Variants in SNRK observed in about 807,000 individuals in gnomAD.
SNRK encodes the protein SNF related kinase.
In SNRK, 3 loss-of-function variants were observed where a neutral mutation model predicts 48.2. The observed-to-expected ratio is 0.06, with a 90% CI of 0.03 to 0.16. The LOEUF (loss-of-function observed/expected upper bound fraction) is 0.16, where lower values mean the gene tolerates loss of function less well. Ranked by LOEUF, SNRK falls within the 10% of genes least tolerant of loss-of-function variation. The probability of loss-of-function intolerance (pLI) is 1.00; values close to 1 mark genes in which losing one functional copy is unlikely to be tolerated. For synonymous variants in SNRK, 376 were observed against 366.1 expected (o/e 1.03, Z -0.31); for missense variants, 627 against 976.0 (o/e 0.64, Z 4.76).
intron 1 of SNRK, among the ~76,000 whole-genome samples, chr3:43,296,985 A>G (rs1037684533): frequency 3.9e-5 from 6 of 152,200 alleles, no homozygotes; most frequent in Non-Finnish European, 7.3e-5. Context: ...AAGTTTTTAT[A>G]TTATGAGCAC....
intron 2 of SNRK, among the ~76,000 whole-genome samples, chr3:43,301,478 C>G (rs2090897274): frequency 6.6e-6 from 1 of 152,088 alleles, no homozygotes; most frequent in Admixed American, 6.6e-5. Flanking sequence ...GAGACCAGTG[C>G]TGACTGGCCA....
At chr3:43,312,751 A>G (rs1254325443) in intron 3 of SNRK, among the ~76,000 whole-genome samples, 1 of 152,252 alleles carries the variant, frequency 6.6e-6, no homozygotes, top group Non-Finnish European at 1.5e-5. Flanking sequence ...ATTCTGCAAT[A>G]TCACAGAATA....
intron 1 of SNRK, among the ~76,000 whole-genome samples, chr3:43,291,955 A>G (rs1049094520): frequency 4.6e-5 from 7 of 152,198 alleles, no homozygotes; most frequent in African/African-American, 1.7e-4. Flanking sequence ...CTGCTTTTTC[A>G]TTTGTAAAAT....
chr3:43,309,213 A>C (rs1364602112), intron 3 of SNRK, among the ~76,000 whole-genome samples: 1 of 152,086 alleles, frequency 6.6e-6, no homozygotes, highest in Non-Finnish European at 1.5e-5. Context: ...CAGGTGAAGA[A>C]AGTGGTTTCT....
intron 1 of SNRK, among the ~76,000 whole-genome samples, chr3:43,296,479 G>C (rs17406162): frequency 0.019 from 2,697 of 140,746 alleles, 47 homozygotes; most frequent in Non-Finnish European, 0.029. Context: ...GAGGAATATT[G>C]GTCGTCTGAT....
chr3:43,348,476 C>A lies in SNRK; in HGVS notation c.2217C>A (p.Thr739=). The A allele has an allele frequency of 6.2e-7, 1 of 1,604,894 alleles. No homozygotes were observed. Among genetic ancestry groups the A allele is most frequent in the South Asian group, 1.1e-5 (1 of 89,418 alleles). The change falls in exon 7 of 7, where the codon ACC becomes ACA. Residue 739 remains threonine, a synonymous_variant. Transcript: ENST00000296088. ...NVLQLPLCEK[T]ISVNIQRNPK... ...TGCAGCTACCTCTGTGCGAAAAGAC[C>A]ATCTCTGTGAACATCCAGCGGAACC...
rs535457687 is a variant in SNRK at position 43,337,282 on chromosome 3, C to T, written c.732-3005C>T. On this transcript the variant is annotated intron_variant, in intron 4 of 6. Transcript: ENST00000296088. ...TAGTGATGGGGTTTCGCATTTTGCC[C>T]AGGCTGGTCTCGAACTCCTTAGCTC... Among the ~76,000 whole-genome samples, 20 of 151,120 alleles carry T rather than the reference C, an allele frequency of 1.3e-4. No individual in the cohort carries two copies. The South Asian group carries it at 4.0e-3, about 30-fold the overall frequency.
intron 1 of SNRK, among the ~76,000 whole-genome samples, chr3:43,292,487 T>C (rs1207455929): frequency 6.6e-6 from 1 of 152,208 alleles, no homozygotes; most frequent in Non-Finnish European, 1.5e-5. Context: ...GTATGGCAAA[T>C]TTTCCATTTG....
intron 4 of SNRK, among the ~76,000 whole-genome samples, chr3:43,336,290 C>G (rs1324825644): frequency 5.1e-5 from 1 of 19,732 alleles, no homozygotes; most frequent in African/African-American, 5.7e-5. Context: ...CTCCCTTGCT[C>G]TCTCCCTCCC....
intron 5 of SNRK, among the ~76,000 whole-genome samples, chr3:43,341,014 G>A (rs993891496): frequency 2.0e-5 from 3 of 151,838 alleles, no homozygotes; most frequent in African/African-American, 7.3e-5. Context: ...AGTGGTTGTG[G>A]GAGAGACCAC....
intron 2 of SNRK, among the ~76,000 whole-genome samples, chr3:43,302,747 C>G (rs1054742503): frequency 6.6e-6 from 1 of 151,020 alleles, no homozygotes; most frequent in African/African-American, 2.4e-5. Context: ...CCCTTGTCAA[C>G]TGTTGCGTTA....
intron 3 of SNRK, among the ~76,000 whole-genome samples, chr3:43,319,417 T>C (rs2125631083): frequency 6.6e-6 from 1 of 152,258 alleles, no homozygotes; most frequent in East Asian, 1.9e-4. Context: ...TATATCGAAA[T>C]CTCGGCACCT....
At position 43,347,247 on chromosome 3, in the gene SNRK, A is replaced by C; in HGVS notation, c.1080-92A>C. 7.5e-7 allele frequency: 1 copy of C among 1,329,450 alleles called. No individual in the cohort carries two copies. The highest frequency in any genetic ancestry group is 1.0e-6 in the Non-Finnish European group (1 of 991,878). The allele number at this position is 1,329,450 out of a possible 1,614,324, so 82.4% of individuals were successfully genotyped here. On this transcript the variant is annotated intron_variant, in intron 6 of 6. Transcript: ENST00000296088. The surrounding 1 kb of genome is among the most constrained non-coding windows in gnomAD (Gnocchi z 5.4). ...GCTGCTTTTTTCTTTAAGTCTGTAGATTTTGTCCCAGTAAGTTCATTGTGA... is the reference window on the plus strand; with the variant it reads ...GCTGCTTTTTTCTTTAAGTCTGTAGCTTTTGTCCCAGTAAGTTCATTGTGA...
intron 3 of SNRK, among the ~76,000 whole-genome samples, chr3:43,313,076 G>T (rs191971589): frequency 1.3e-5 from 2 of 152,130 alleles, no homozygotes; most frequent in African/African-American, 4.8e-5. Flanking sequence ...GAAAGGCAAA[G>T]AACCTAGAAT....
chr3:43,294,880 A>C (rs979307336), intron 1 of SNRK, among the ~76,000 whole-genome samples: 4 of 152,172 alleles, frequency 2.6e-5, no homozygotes, highest in African/African-American at 9.7e-5. Flanking sequence ...GATTATTAAA[A>C]TTCTCCATAA....
Position 43,348,055 on chromosome 3 carries a change from G to A in SNRK, c.1796G>A (p.Ser599Asn). 6.2e-7 allele frequency: 1 copy of A among 1,605,216 alleles called. No individual in the cohort carries two copies. Among genetic ancestry groups the A allele is most frequent in the Non-Finnish European group, 8.5e-7 (1 of 1,175,768 alleles). The change falls in exon 7 of 7, where the codon AGT becomes AAT. Residue 599 changes from serine to asparagine, a missense_variant. Ser to Asn is a conservative substitution (Grantham distance 46). Transcript: ENST00000296088. ...ASGGVDKASP[S>N]ENNAGGGSPS... Reference sequence around the variant, plus strand: ...GGAGGGGTGGACAAGGCCAGCCCCAGTGAGAACAATGCTGGTGGGGGCAGT... The same window carrying A: ...GGAGGGGTGGACAAGGCCAGCCCCAATGAGAACAATGCTGGTGGGGGCAGT...
chr3:43,318,499 G>A (rs1224754276), intron 3 of SNRK, among the ~76,000 whole-genome samples: 16 of 151,304 alleles, frequency 1.1e-4, no homozygotes, highest in African/African-American at 3.6e-4. Context: ...ATTCACCTTA[G>A]GTCATAACAT....
At position 43,340,735 on chromosome 3, in the gene SNRK, T is replaced by C. The variant is rs142161667; in HGVS notation, c.944+236T>C. 1.2e-3 allele frequency: 625 copies of C among 526,858 alleles called. 6 individuals are homozygous for C. The East Asian group carries it at 0.019, about 16-fold the overall frequency. 32.6% of individuals were successfully genotyped at this position (526,858 alleles called of 1,614,324 possible). A position where few individuals can be genotyped will look rare whatever the true frequency, so the allele number is the denominator to read the frequency against. On this transcript the variant is annotated intron_variant, in intron 5 of 6. Transcript: ENST00000296088. The stretch of plus-strand genomic sequence containing the variant: ...ATTGCTGGGTGGTTTCAGTGAGTGC[T>C]GTGGCCTTTTCCCCATTCTATAGGG...
chr3:43,315,433 C>G (rs987127205), intron 3 of SNRK, among the ~76,000 whole-genome samples: 1 of 152,090 alleles, frequency 6.6e-6, no homozygotes, highest in African/African-American at 2.4e-5. Context: ...GTTTTAGTAA[C>G]GTTTCAGTTT....
Sources: allele counts gnomAD v4.1 joint callset (sites outside exome capture counted in the v4.1 genomes callset), GRCh38; gene constraint gnomAD v4.1.1; non-coding constraint Gnocchi (gnomAD v3.1); transcripts MANE v1.5; gene names NCBI Gene and HGNC (gene_info 2026-07-23, HGNC 2026-07-21).